The following ZDHHC14 variants were observed in gnomAD, a reference collection of about 807,000 sequenced individuals.
ZDHHC14 encodes zDHHC palmitoyltransferase 14.
A neutral mutation model predicts 47.7 loss-of-function variants in ZDHHC14; 16 were observed. The ratio of observed to expected loss-of-function variants is 0.34; its 90% CI spans 0.23 to 0.51. The LOEUF (loss-of-function observed/expected upper bound fraction) is 0.51, where lower values mean the gene tolerates loss of function less well. ZDHHC14 is among the 20% of genes least tolerant of loss of function. The probability of loss-of-function intolerance (pLI) is 0.97; values close to 1 mark genes in which losing one functional copy is unlikely to be tolerated. For missense variants in ZDHHC14, 515 were observed against 662.5 expected, an observed-to-expected ratio of 0.78 and a Z score of 2.44; for synonymous variants, 293 against 278.9, an observed-to-expected ratio of 1.05 and a Z score of -0.50.
At chr6:157,539,017 G>A (rs886597698) in intron 1 of ZDHHC14, among the ~76,000 whole-genome samples, 5 of 152,136 alleles carry the variant, frequency 3.3e-5, no homozygotes, top group Non-Finnish European at 5.9e-5. Context: ...TAGGAACGGC[G>A]GAAGCATGGA....
At position 157,665,272 on chromosome 6, in the gene ZDHHC14, A is replaced by G. The variant is rs761073989; in HGVS notation, c.1069-7452A>G. 2.6e-5 allele frequency among the ~76,000 whole-genome samples: 4 copies of G among 152,288 alleles called. No homozygotes were observed. In the East Asian group the frequency reaches 5.8e-4, roughly 22 times the overall value. ...AGCTTTGTCTCTATAATTAGAGGAC[A>G]TGTTACAACCCATGTTGCCATATGT... is the stretch of plus-strand genomic sequence containing the variant. On this transcript the variant is annotated intron_variant, in intron 8 of 8. Transcript: ENST00000359775.
intron 2 of ZDHHC14, among the ~76,000 whole-genome samples, chr6:157,551,847 A>T (rs1384053211): frequency 6.6e-6 from 1 of 152,174 alleles, no homozygotes; most frequent in Non-Finnish European, 1.5e-5. Context: ...ACATATTTAA[A>T]ATAGCCATAT....
rs1199381483 is a variant in ZDHHC14, at chr6:157,586,954, CA to C, written c.407-6032del. On this transcript the variant is annotated intron_variant, in intron 2 of 8. Coordinates refer to ENST00000359775, the MANE Select transcript of ZDHHC14 (RefSeq NM_024630.3). This position sits in a 1 kb window ranked among gnomAD's most constrained non-coding sequence, Gnocchi z 4.6. ...AAAAATGCACTTTGGAACTAAAGAT[CA>C]ATAGAGTTTATCTTCAGGAGTGTCA... Among the ~76,000 whole-genome samples, 4 of 152,194 alleles carry C rather than the reference CA, an allele frequency of 2.6e-5. No individual in the cohort carries two copies. The highest frequency in any genetic ancestry group is 5.9e-5 in the Non-Finnish European group (4 of 68,030).
At chr6:157,596,993 C>G (rs907047531) in intron 3 of ZDHHC14, among the ~76,000 whole-genome samples, 4 of 152,274 alleles carry the variant, frequency 2.6e-5, no homozygotes, top group Non-Finnish European at 5.9e-5. Flanking sequence ...TTTTCTGTCT[C>G]TCTCTGACTT....
intron 1 of ZDHHC14, among the ~76,000 whole-genome samples, chr6:157,394,004 C>T (rs1450351427): frequency 3.3e-5 from 5 of 152,240 alleles, no homozygotes; most frequent in Admixed American, 1.3e-4. Context: ...AGATCTCTGC[C>T]GAGGTGTCCT....
At position 157,486,440 on chromosome 6, in the gene ZDHHC14, T is replaced by C. The variant is rs147048440; in HGVS notation, c.246-56145T>C. The stretch of plus-strand genomic sequence containing the variant: ...ATAAGACAAATGTGAATATTCTTTC[T>C]AGCTATGAAATTCTAAAATTCGAAT... On this transcript the variant is annotated intron_variant, in intron 1 of 8. Coordinates refer to ENST00000359775, the MANE Select transcript of ZDHHC14 (RefSeq NM_024630.3). Among the ~76,000 whole-genome samples the C allele has an allele frequency of 2.8e-3, 423 of 152,372 alleles. 4 individuals carry two copies. The highest frequency in any genetic ancestry group is 0.01 in the African/African-American group (418 of 41,592).
intron 3 of ZDHHC14, among the ~76,000 whole-genome samples, chr6:157,614,156 T>C (rs1202061229): frequency 7.3e-5 from 11 of 151,248 alleles, no homozygotes; most frequent in African/African-American, 2.7e-4. Flanking sequence ...GGGCGGGGAG[T>C]GCAAAAGGCC....
chr6:157,467,103 T>G (rs1302338149), intron 1 of ZDHHC14, among the ~76,000 whole-genome samples: 1 of 152,134 alleles, frequency 6.6e-6, no homozygotes, highest in Non-Finnish European at 1.5e-5. Flanking sequence ...GTTTTTAAAT[T>G]TATTTTGAAG....
intron 8 of ZDHHC14, 44 bp downstream of exon 8, chr6:157,653,671 C>A: frequency 1.9e-6 from 3 of 1,582,490 alleles, no homozygotes; most frequent in Non-Finnish European, 2.6e-6. Flanking sequence ...TTCCCTTTTG[C>A]TTGTGTGCTC....
intron 1 of ZDHHC14, among the ~76,000 whole-genome samples, chr6:157,540,402 T>C (rs1380675486): frequency 6.6e-6 from 1 of 152,176 alleles, no homozygotes; most frequent in African/African-American, 2.4e-5. Flanking sequence ...CAGGTGGACT[T>C]TGCGGTCCAC....
At chr6:157,643,396 C>T (rs530150453) in intron 5 of ZDHHC14, among the ~76,000 whole-genome samples, 1 of 152,126 alleles carries the variant, frequency 6.6e-6, no homozygotes, top group African/African-American at 2.4e-5. Flanking sequence ...CATGGTGGCT[C>T]ACACCTGTAA....
Position 157,634,994 on chromosome 6 carries a change from T to A in ZDHHC14, c.752+2112T>A, listed in dbSNP as rs1204408320. Among the ~76,000 whole-genome samples the A allele has an allele frequency of 3.6e-4, 52 of 143,920 alleles. 1 individual carries two copies. Among genetic ancestry groups the A allele is most frequent in the Non-Finnish European group, 1.4e-4 (9 of 65,680 alleles). The allele number at this position is 143,920 out of a possible 152,430, so 94.4% of individuals were successfully genotyped here. A position where few individuals can be genotyped will look rare whatever the true frequency, so the allele number is the denominator to read the frequency against. On this transcript the variant is annotated intron_variant, in intron 5 of 8. Coordinates refer to ENST00000359775, the MANE Select transcript of ZDHHC14 (RefSeq NM_024630.3). ...GAGTGGCCTTGTTGCTACCTGGTCTTTTTTTTTTTTTCCCCCTGAAACGGA... is the reference window on the plus strand; with the variant it reads ...GAGTGGCCTTGTTGCTACCTGGTCTATTTTTTTTTTTCCCCCTGAAACGGA...
chr6:157,537,851 C>A (rs552762550), intron 1 of ZDHHC14, among the ~76,000 whole-genome samples: 4 of 152,222 alleles, frequency 2.6e-5, no homozygotes, highest in Non-Finnish European at 4.4e-5. Flanking sequence ...CACAGTGCTT[C>A]CTTCAGCTGT....
At chr6:157,467,690 C>G (rs1327337968) in intron 1 of ZDHHC14, among the ~76,000 whole-genome samples, 1 of 152,068 alleles carries the variant, frequency 6.6e-6, no homozygotes, top group Admixed American at 6.6e-5. Flanking sequence ...GCTGGAATTA[C>G]AGGCGCCTGC....
intron 1 of ZDHHC14, among the ~76,000 whole-genome samples, chr6:157,432,748 C>T (rs1181391596): frequency 6.6e-6 from 1 of 152,192 alleles, no homozygotes; most frequent in African/African-American, 2.4e-5. Context: ...GGCTTTCATG[C>T]CCCGTAAACC....
At position 157,676,193 on chromosome 6, in the gene ZDHHC14, C is replaced by G. The variant is rs750021247; in HGVS notation, c.*3071C>G. ...GGGGATGCTGCAGGAAGGTGGCAGA[C>G]AGACTGCATCCAGGAGGGCACAGTG... On this transcript the variant is annotated 3_prime_UTR_variant, in exon 9 of 9. Transcript: ENST00000359775. 1 of 152,300 alleles carries G rather than the reference C, an allele frequency of 6.6e-6. No homozygotes were observed. The highest frequency in any genetic ancestry group is 1.5e-5 in the Non-Finnish European group (1 of 68,082). 9.4% of individuals were successfully genotyped at this position (152,300 alleles called of 1,614,324 possible). A position where few individuals can be genotyped will look rare whatever the true frequency, so the allele number is the denominator to read the frequency against.
chr6:157,566,429 A>T (rs940287428), intron 2 of ZDHHC14, among the ~76,000 whole-genome samples: 2 of 152,184 alleles, frequency 1.3e-5, no homozygotes, highest in Admixed American at 6.5e-5. Context: ...AAAAGGACAG[A>T]ACTGAAACCA....
chr6:157,527,453 G>A lies in ZDHHC14; in HGVS notation c.246-15132G>A, dbSNP rs757462011. Among the ~76,000 whole-genome samples the A allele has an allele frequency of 5.9e-5, 9 of 152,198 alleles. No homozygotes were observed. The South Asian group carries it at 8.3e-4, about 14-fold the overall frequency. Reference sequence around the variant, plus strand: ...GTGCTTTGCAGAGCTTGCTCTTATAGTCAGACAATATTGAAGTCCTTTCAT... The same window carrying A: ...GTGCTTTGCAGAGCTTGCTCTTATAATCAGACAATATTGAAGTCCTTTCAT... On this transcript the variant is annotated intron_variant, in intron 1 of 8. Transcript: ENST00000359775.
chr6:157,656,931 A>G (rs1193763323), intron 8 of ZDHHC14, among the ~76,000 whole-genome samples: 1 of 152,056 alleles, frequency 6.6e-6, no homozygotes, highest in Non-Finnish European at 1.5e-5. Flanking sequence ...TTGAGTAAGG[A>G]CCTGCGGCCC....
Sources: gnomAD v4.1 joint callset for allele counts (sites outside exome capture counted in the v4.1 genomes callset) on GRCh38, gnomAD v4.1.1 for gene constraint, Gnocchi (gnomAD v3.1) non-coding constraint, MANE v1.5 for transcripts, NCBI Gene and HGNC (gene_info 2026-07-23, HGNC 2026-07-21) for gene names.